Variants in PCDHGB1 observed in about 807,000 individuals in gnomAD.
PCDHGB1 encodes the protein protocadherin gamma-B1.
A neutral mutation model predicts 56.6 loss-of-function variants in PCDHGB1; 34 were observed. The ratio of observed to expected loss-of-function variants is 0.60; its 90% CI spans 0.46 to 0.80. The LOEUF (loss-of-function observed/expected upper bound fraction) is 0.80. Among genes scored for constraint, PCDHGB1 ranks in the 30% least tolerant of loss-of-function variants. The probability of loss-of-function intolerance (pLI) is 0.00; values close to 1 mark genes in which losing one functional copy is unlikely to be tolerated. For synonymous variants in PCDHGB1, 561 were observed against 505.9 expected, an observed-to-expected ratio of 1.11 and a Z score of -1.46; for missense variants, 1,278 against 1,204.6, an observed-to-expected ratio of 1.06 and a Z score of -0.90.
chr5:141,400,167 C>A, intron 1 of PCDHGB1: 1 of 1,614,082 alleles, frequency 6.2e-7, no homozygotes, highest in Non-Finnish European at 8.5e-7. Flanking sequence ...CCTCTGACCC[C>A]CAGGCTGAGC....
At chr5:141,382,732 G>A in intron 1 of PCDHGB1, 1 of 562,814 alleles carries the variant, frequency 1.8e-6, no homozygotes, top group African/African-American at 1.9e-5. Context: ...TTACAGCACA[G>A]AGAAACGACA....
chr5:141,415,301 T>C, intron 1 of PCDHGB1: 1 of 1,614,230 alleles, frequency 6.2e-7, no homozygotes, highest in South Asian at 1.1e-5. Context: ...TGCGTCTTCC[T>C]GGCCTTCGTC....
chr5:141,483,833 G>A (rs964111814), intron 1 of PCDHGB1, among the ~76,000 whole-genome samples: 1 of 152,116 alleles, frequency 6.6e-6, no homozygotes, highest in Admixed American at 6.5e-5. Flanking sequence ...CCTAGGTAAG[G>A]ACTTGGTTGA....
chr5:141,351,189 GAT>G lies in PCDHGB1; in HGVS notation c.932_933del (p.Tyr311CysfsTer7). On this transcript the variant is annotated frameshift_variant, in exon 1 of 4. Coordinates refer to ENST00000523390, the MANE Select transcript of PCDHGB1 (RefSeq NM_018922.3). LOFTEE classifies it high-confidence loss of function. The stretch of plus-strand genomic sequence containing the variant: ...ACATTGGATTTTGAAGAGACAAGTA[GAT>G]ATGTGTTGAGTGTGGAAGCTAAGGA... The G allele has an allele frequency of 6.2e-7, 1 of 1,614,010 alleles. No homozygotes were observed.
At chr5:141,387,448 G>T (rs913381872) in intron 1 of PCDHGB1, among the ~76,000 whole-genome samples, 1 of 152,228 alleles carries the variant, frequency 6.6e-6, no homozygotes, top group African/African-American at 2.4e-5. Context: ...TAATCTACAT[G>T]ATTTGCCTAA....
rs1759714741 is a variant in PCDHGB1, at chr5:141,355,099, TG to T, written c.2409+2432del. On this transcript the variant is annotated intron_variant, in intron 1 of 3. Coordinates refer to ENST00000523390, the MANE Select transcript of PCDHGB1 (RefSeq NM_018922.3). ...CTTCAAGCGGAAGCCCTGAGAGCTC[TG>T]GCTGTGAATGCACTTTATTTTGGAC... 41 of 1,497,568 alleles carry T rather than the reference TG, an allele frequency of 2.7e-5. No individual in the cohort carries two copies. In the South Asian group the frequency reaches 5.5e-4, roughly 20 times the overall value. The allele number at this position is 1,497,568 out of a possible 1,614,324, so 92.8% of individuals were successfully genotyped here. A position where few individuals can be genotyped will look rare whatever the true frequency, so the allele number is the denominator to read the frequency against.
chr5:141,504,379 G>T (rs181617363), intron 2 of PCDHGB1, among the ~76,000 whole-genome samples: 1 of 152,088 alleles, frequency 6.6e-6, no homozygotes, highest in African/African-American at 2.4e-5. Context: ...AGGTGGAGTC[G>T]CTGCCTCACA....
chr5:141,389,789 C>T (rs1437335316), intron 1 of PCDHGB1: 6 of 1,613,328 alleles, frequency 3.7e-6, no homozygotes, highest in Admixed American at 3.3e-5. Flanking sequence ...ACAGGGACGC[C>T]GTCCGCCAGC....
At chr5:141,414,788 C>T in intron 1 of PCDHGB1, 1 of 1,614,222 alleles carries the variant, frequency 6.2e-7, no homozygotes, top group Non-Finnish European at 8.5e-7. Flanking sequence ...CAGGTGACAG[C>T]CAGCGACAGC....
chr5:141,477,607 G>A lies in PCDHGB1; in HGVS notation c.2410-17200G>A, dbSNP rs1223703956. ...ATGCTCGGCTTTCTTTCTTTCTCTT[G>A]GAGCAAGGAGCTGAAACCGGGCTAG... is the stretch of plus-strand genomic sequence containing the variant. On this transcript the variant is annotated intron_variant, in intron 1 of 3. Coordinates refer to ENST00000523390, the MANE Select transcript of PCDHGB1 (RefSeq NM_018922.3). The surrounding 1 kb of genome is among the most constrained non-coding windows in gnomAD (Gnocchi z 4.9). 2 of 1,614,028 alleles carry A rather than the reference G, an allele frequency of 1.2e-6. No individual in the cohort carries two copies. The highest frequency in any genetic ancestry group is 3.3e-5 in the Admixed American group (2 of 60,000).
At position 141,486,837 on chromosome 5, in the gene PCDHGB1, T is replaced by G; in HGVS notation, c.2410-7970T>G. The G allele has an allele frequency of 6.2e-7, 1 of 1,614,256 alleles. No individual in the cohort carries two copies. The highest frequency in any genetic ancestry group is 8.5e-7 in the Non-Finnish European group (1 of 1,180,044). ...AGCACTGTAACAGTTCGTCTATTTG[T>G]GCTGGACCTCAATGACAATGCTCCA... On this transcript the variant is annotated intron_variant, in intron 1 of 3. Transcript: ENST00000523390. The surrounding 1 kb of genome is among the most constrained non-coding windows in gnomAD (Gnocchi z 5.0).
At chr5:141,504,502 G>A (rs2099838821) in intron 2 of PCDHGB1, among the ~76,000 whole-genome samples, 1 of 152,128 alleles carries the variant, frequency 6.6e-6, no homozygotes, top group Non-Finnish European at 1.5e-5. Context: ...CCCAGTCTGA[G>A]TGGATCTCCT....
At chr5:141,383,503 C>T (rs751472631) in intron 1 of PCDHGB1, 24 of 1,612,654 alleles carry the variant, frequency 1.5e-5, no homozygotes, top group East Asian at 2.2e-5. Context: ...GGTGCTGGAC[C>T]GGGAGGAAGA....
intron 1 of PCDHGB1, chr5:141,404,341 A>C (rs2094516146): frequency 3.1e-6 from 5 of 1,613,966 alleles, no homozygotes; most frequent in Non-Finnish European, 4.2e-6. Context: ...ACCTCCCGGA[A>C]AACAACGCCA....
Position 141,477,160 on chromosome 5 carries a change from C to A in PCDHGB1, c.2410-17647C>A, listed in dbSNP as rs768436526. The A allele has an allele frequency of 1.9e-5, 31 of 1,614,068 alleles. No homozygotes were observed. The African/African-American group carries it at 3.6e-4, about 19-fold the overall frequency. On this transcript the variant is annotated intron_variant, in intron 1 of 3. Coordinates refer to ENST00000523390, the MANE Select transcript of PCDHGB1 (RefSeq NM_018922.3). This position sits in a 1 kb window ranked among gnomAD's most constrained non-coding sequence, Gnocchi z 4.9. ...TGGAGGTTGTGGATGTGAATGACAA[C>A]GCCCCGGAGATCACAGTCACCTCCG...
intron 1 of PCDHGB1, chr5:141,398,585 T>C (rs200356405): frequency 1.9e-6 from 3 of 1,614,080 alleles, no homozygotes; most frequent in Non-Finnish European, 2.5e-6. Flanking sequence ...ACAAGATTTA[T>C]ACTAGAAGTA....
At chr5:141,467,018 CTTTGT>C (rs1209768587) in intron 1 of PCDHGB1, among the ~76,000 whole-genome samples, 4 of 149,992 alleles carry the variant, frequency 2.7e-5, no homozygotes, top group African/African-American at 7.3e-5. Context: ...ATTTTTTTCC[CTTTGT>C]TTTTGTTTTT....
chr5:141,460,142 G>A (rs932507660), intron 1 of PCDHGB1, among the ~76,000 whole-genome samples: 5 of 151,950 alleles, frequency 3.3e-5, no homozygotes, highest in African/African-American at 1.2e-4. Flanking sequence ...TATTCTTGAT[G>A]TGAGCTCTTT....
At chr5:141,364,712 G>T in intron 1 of PCDHGB1, 1 of 1,613,952 alleles carries the variant, frequency 6.2e-7, no homozygotes, top group Middle Eastern at 1.6e-4. Flanking sequence ...CGATATTAAT[G>T]ATAACTTCCC....
Sources: allele counts gnomAD v4.1 joint callset (sites outside exome capture counted in the v4.1 genomes callset), GRCh38; gene constraint gnomAD v4.1.1; non-coding constraint Gnocchi (gnomAD v3.1); transcripts MANE v1.5; gene names NCBI Gene and HGNC (gene_info 2026-07-23, HGNC 2026-07-21).